The following EEF1E1 variants were observed in gnomAD, a reference collection of about 807,000 sequenced individuals.
EEF1E1 encodes eukaryotic translation elongation factor 1 epsilon-1.
In EEF1E1, 19 loss-of-function variants were observed where a neutral mutation model predicts 19.9. The observed-to-expected ratio is 0.95, with a 90% CI of 0.66 to 1.40. The LOEUF is 1.40. Ranked by LOEUF, EEF1E1 falls within the 40% of genes most tolerant of loss-of-function variation. EEF1E1 has a pLI of 0.00. For synonymous variants in EEF1E1, 81 were observed against 80.0 expected, an observed-to-expected ratio of 1.01 and a Z score of -0.07; for missense variants, 198 against 202.2, an observed-to-expected ratio of 0.98 and a Z score of 0.13.
chr6:8,090,141 T>A, intron 3 of EEF1E1, 45 bp downstream of exon 3: 1 of 1,431,860 alleles, frequency 7.0e-7, no homozygotes, highest in Non-Finnish European at 9.4e-7. Flanking sequence ...TAAAAATCAT[T>A]CTCAACACTA....
intron 2 of EEF1E1, among the ~76,000 whole-genome samples, chr6:8,095,090 G>A (rs1410296187): frequency 6.6e-6 from 1 of 152,176 alleles, no homozygotes; most frequent in Non-Finnish European, 1.5e-5. Flanking sequence ...TCATTGCCCT[G>A]CACTGTTTAA....
intron 3 of EEF1E1, among the ~76,000 whole-genome samples, chr6:8,083,884 A>G (rs1236603379): frequency 6.6e-6 from 1 of 152,164 alleles, no homozygotes; most frequent in Non-Finnish European, 1.5e-5. Flanking sequence ...CCTAGAAATC[A>G]TTTATTCCAC....
At position 8,079,636 on chromosome 6, in the gene EEF1E1, C is replaced by T; in HGVS notation, c.*254G>A. ...TTGCAACTTTTATTGAAATAAATGT[C>T]ATCTACTAAAAACAAGGTTAATTTA... On this transcript the variant is annotated 3_prime_UTR_variant, in exon 4 of 4. Coordinates refer to ENST00000379715, the MANE Select transcript of EEF1E1 (RefSeq NM_004280.5). 1 of 1,137,064 alleles carries T rather than the reference C, an allele frequency of 8.8e-7. No individual in the cohort carries two copies. The highest frequency in any genetic ancestry group is 1.6e-5 in the African/African-American group (1 of 62,944). The allele number at this position is 1,137,064 out of a possible 1,614,324, so 70.4% of individuals were successfully genotyped here.
chr6:8,081,560 CAAAAATATTTTG>C (rs1379414537), intron 3 of EEF1E1, among the ~76,000 whole-genome samples: 1 of 152,056 alleles, frequency 6.6e-6, no homozygotes, highest in Non-Finnish European at 1.5e-5. Flanking sequence ...GTCTATATTT[CAAAAATATTTTG>C]AAAAATATTT....
intron 2 of EEF1E1, among the ~76,000 whole-genome samples, chr6:8,091,310 C>T: frequency 6.6e-6 from 1 of 152,172 alleles, no homozygotes; most frequent in Non-Finnish European, 1.5e-5. Context: ...TTTTCATATG[C>T]TTGCTGGCCA....
rs1554099258 is a variant in EEF1E1, at chr6:8,092,868, G to GT, written c.289-2588_289-2587insA. Reference sequence around the variant, plus strand: ...GTTTTGTGTTTTAGTGATAAAGACTGCTTTTTTTTTTTTTTTTTTTTTTTG... The same window carrying GT: ...GTTTTGTGTTTTAGTGATAAAGACTGTCTTTTTTTTTTTTTTTTTTTTTTTG... On this transcript the variant is annotated intron_variant, in intron 2 of 3. Transcript: ENST00000379715. 1.1e-3 allele frequency among the ~76,000 whole-genome samples: 115 copies of GT among 108,188 alleles called. 7 individuals carry two copies. Among genetic ancestry groups the GT allele is most frequent in the African/African-American group, 3.3e-3 (88 of 26,728 alleles). 71.0% of individuals were successfully genotyped at this position (108,188 alleles called of 152,430 possible). A position where few individuals can be genotyped will look rare whatever the true frequency, so the allele number is the denominator to read the frequency against.
Position 8,079,712 on chromosome 6 carries a change from G to A in EEF1E1, c.*178C>T. ...GCAATTGAATTTTGACATAAAAATT[G>A]CAAAACTTCAGCTAAAGAACAAATA... is the stretch of plus-strand genomic sequence containing the variant. On this transcript the variant is annotated 3_prime_UTR_variant, in exon 4 of 4. Transcript: ENST00000379715. 1 of 1,270,600 alleles carries A rather than the reference G, an allele frequency of 7.9e-7. No individual in the cohort carries two copies. Among genetic ancestry groups the A allele is most frequent in the African/African-American group, 1.5e-5 (1 of 67,048 alleles). 78.7% of individuals were successfully genotyped at this position (1,270,600 alleles called of 1,614,324 possible). A position where few individuals can be genotyped will look rare whatever the true frequency, so the allele number is the denominator to read the frequency against.
downstream of EEF1E1, among the ~76,000 whole-genome samples, chr6:8,077,914 C>T (rs1757637169): frequency 6.6e-6 from 1 of 152,180 alleles, no homozygotes. Flanking sequence ...ACCTCAGCCT[C>T]CCAAGTAGCT....
At position 8,096,342 on chromosome 6, in the gene EEF1E1, A is replaced by T. The variant is rs71531550; in HGVS notation, c.288+925T>A. ...TCCCCCTGGAAATGCTGTGAATAGT[A>T]GGGGCACAAGAGAAGGGTCCCTGTG... is the stretch of plus-strand genomic sequence containing the variant. On this transcript the variant is annotated intron_variant, in intron 2 of 3. Coordinates refer to ENST00000379715, the MANE Select transcript of EEF1E1 (RefSeq NM_004280.5). 8.9e-3 allele frequency among the ~76,000 whole-genome samples: 1,352 copies of T among 152,326 alleles called. 14 individuals are homozygous for T. The highest frequency in any genetic ancestry group is 0.013 in the Non-Finnish European group (856 of 68,026).
At chr6:8,085,257 C>T (rs1269718703) in intron 3 of EEF1E1, among the ~76,000 whole-genome samples, 1 of 152,088 alleles carries the variant, frequency 6.6e-6, no homozygotes. Flanking sequence ...AGAAGATCCT[C>T]CTACCTCATT....
intron 1 of EEF1E1, among the ~76,000 whole-genome samples, chr6:8,099,768 AC>A (rs1364767073): frequency 5.0e-5 from 6 of 119,956 alleles, no homozygotes; most frequent in African/African-American, 9.9e-5. Flanking sequence ...ACACACACAC[AC>A]ACACACACAC....
chr6:8,083,290 C>T (rs987891080), intron 3 of EEF1E1, among the ~76,000 whole-genome samples: 2 of 152,198 alleles, frequency 1.3e-5, no homozygotes, highest in African/African-American at 4.8e-5. Context: ...TTCTTTAGGG[C>T]CAGTGCTCCT....
At chr6:8,101,344 A>C (rs777853693) in intron 1 of EEF1E1, among the ~76,000 whole-genome samples, 51 of 138,942 alleles carry the variant, frequency 3.7e-4, no homozygotes, top group Non-Finnish European at 6.8e-4. Flanking sequence ...TATTATATTT[A>C]TACTACATAT....
In EEF1E1 at chr6:8,097,349, G is replaced by A; in HGVS notation, c.206C>T (p.Ala69Val). The change falls in exon 2 of 4, where the codon GCA becomes GTA. Residue 69 changes from alanine (A) to valine (V), a missense_variant. Coordinates refer to ENST00000379715, the MANE Select transcript of EEF1E1 (RefSeq NM_004280.5). ...GTATTCTAACCACTGCTGAACGATTGCTTTTTCTTCTGCAGTACTCCCCAG... is the reference window on the plus strand; with the variant it reads ...GTATTCTAACCACTGCTGAACGATTACTTTTTCTTCTGCAGTACTCCCCAG... ...YLLGSTAEEK[A>V]IVQQWLEYRV... 6.2e-7 allele frequency: 1 copy of A among 1,614,152 alleles called. No individual in the cohort carries two copies. The highest frequency in any genetic ancestry group is 8.5e-7 in the Non-Finnish European group (1 of 1,180,034).
chr6:8,093,160 C>T (rs1380928286), intron 2 of EEF1E1, among the ~76,000 whole-genome samples: 1 of 151,994 alleles, frequency 6.6e-6, no homozygotes, highest in Non-Finnish European at 1.5e-5. Context: ...GCGTGAGCCA[C>T]CGTGCCCGGC....
At chr6:8,093,767 G>A (rs1361327744) in intron 2 of EEF1E1, among the ~76,000 whole-genome samples, 3 of 151,256 alleles carry the variant, frequency 2.0e-5, no homozygotes, top group South Asian at 2.1e-4. Flanking sequence ...GTATGAAAAC[G>A]ACACATTAAT....
chr6:8,084,043 GGA>G (rs1490880482), intron 3 of EEF1E1, among the ~76,000 whole-genome samples: 1 of 152,062 alleles, frequency 6.6e-6, no homozygotes, highest in Admixed American at 6.5e-5. Flanking sequence ...GACTAGAGTG[GGA>G]GAGATACTTT....
At chr6:8,100,537 T>C (rs1345009155) in intron 1 of EEF1E1, among the ~76,000 whole-genome samples, 1 of 152,168 alleles carries the variant, frequency 6.6e-6, no homozygotes, top group Non-Finnish European at 1.5e-5. Flanking sequence ...AATCTTTCCA[T>C]GTCCAGCTAT....
intron 3 of EEF1E1, among the ~76,000 whole-genome samples, chr6:8,085,121 A>C (rs1444734347): frequency 6.6e-6 from 1 of 152,184 alleles, no homozygotes; most frequent in Non-Finnish European, 1.5e-5. Flanking sequence ...AATAGGAACT[A>C]TAAATAGGTA....
Sources: gnomAD v4.1 joint callset for allele counts (sites outside exome capture counted in the v4.1 genomes callset) on GRCh38, gnomAD v4.1.1 for gene constraint, MANE v1.5 for transcripts, NCBI Gene and HGNC (gene_info 2026-07-23, HGNC 2026-07-21) for gene names.